SCFD1: variants seen among roughly 807,000 people sequenced by gnomAD.
The protein encoded by SCFD1 is sec1 family domain containing 1.
A neutral mutation model predicts 103.2 loss-of-function variants in SCFD1; 37 were observed. The observed-to-expected ratio is 0.36, with a 90% CI of 0.28 to 0.47. The LOEUF (loss-of-function observed/expected upper bound fraction) is 0.47, where lower values mean the gene tolerates loss of function less well. SCFD1 is among the 20% of genes least tolerant of loss of function. SCFD1 has a pLI of 1.00. For synonymous variants in SCFD1, 264 were observed against 245.0 expected, an observed-to-expected ratio of 1.08 and a Z score of -0.73; for missense variants, 639 against 761.2, an observed-to-expected ratio of 0.84 and a Z score of 1.89.
At chr14:30,630,780 G>A in intron 3 of SCFD1, 1 of 475,302 alleles carries the variant, frequency 2.1e-6, no homozygotes, top group Non-Finnish European at 3.7e-6. Flanking sequence ...CCTTAGATTT[G>A]GTTTACCCTC....
intron 1 of SCFD1, among the ~76,000 whole-genome samples, chr14:30,627,518 G>A (rs1031744102): frequency 6.6e-6 from 1 of 152,044 alleles, no homozygotes; most frequent in Non-Finnish European, 1.5e-5. Context: ...AGGCCAAGGC[G>A]GGTGGATCAC....
In SCFD1 at chr14:30,675,044, T is replaced by A; in HGVS notation, c.1221T>A (p.Thr407=). The A allele has an allele frequency of 6.3e-7, 1 of 1,587,234 alleles. No individual in the cohort carries two copies. The highest frequency in any genetic ancestry group is 8.6e-7 in the Non-Finnish European group (1 of 1,167,466). Residue 407 remains threonine (T), a synonymous_variant, in exon 14 of 25, where the codon ACT becomes ACA. Transcript: ENST00000458591. ...RLIDLHTNVA[T]AVLEHIKARK... ...TTGATCTCCATACAAATGTTGCCAC[T>A]GCTGTTTTAGAACATATAAAGGTAA...
In SCFD1 at chr14:30,729,841, AG is replaced by A. The variant is rs553219979; in HGVS notation, c.1837-4948del. Among the ~76,000 whole-genome samples, 21 of 151,868 alleles carry A rather than the reference AG, an allele frequency of 1.4e-4. No individual in the cohort carries two copies. The South Asian group carries it at 4.4e-3, about 32-fold the overall frequency. ...TTCAATAATATTTTGTAGTCTTCAG[AG>A]TATATTTTTATGCTGTTACGAAAGG... On this transcript the variant is annotated intron_variant, in intron 23 of 24. Transcript: ENST00000458591.
chr14:30,631,564 T>A (rs985449463), intron 3 of SCFD1, among the ~76,000 whole-genome samples: 9 of 151,758 alleles, frequency 5.9e-5, no homozygotes, highest in Admixed American at 3.3e-4. Context: ...TATATTTTTT[T>A]AAAAAAAAGG....
chr14:30,676,155 C>T (rs1312251222), intron 14 of SCFD1: 1 of 152,090 alleles, frequency 6.6e-6, no homozygotes, highest in Non-Finnish European at 1.5e-5. Context: ...AGATATATCA[C>T]CAGGTGAAAT....
chr14:30,659,054 A>G (rs552760895), intron 10 of SCFD1, among the ~76,000 whole-genome samples: 3 of 152,286 alleles, frequency 2.0e-5, no homozygotes, highest in Non-Finnish European at 4.4e-5. Flanking sequence ...TTTTAAAAAT[A>G]GCAGTGTTTC....
intron 14 of SCFD1, among the ~76,000 whole-genome samples, chr14:30,694,236 C>A (rs1156496019): frequency 1.3e-5 from 2 of 152,060 alleles, no homozygotes; most frequent in African/African-American, 2.4e-5. Flanking sequence ...CAATAAGTAA[C>A]AATTGTGTTT....
At position 30,697,070 on chromosome 14, in the gene SCFD1, G is replaced by T. The variant is rs574138972; in HGVS notation, c.1339+2201G>T. ...GAAATAAATATAGATTGTATGTTGG[G>T]GGGGGCGGTGTATACTCATGTATTC... On this transcript the variant is annotated intron_variant, in intron 15 of 24. Coordinates refer to ENST00000458591, the MANE Select transcript of SCFD1 (RefSeq NM_016106.4). 3.4e-4 allele frequency among the ~76,000 whole-genome samples: 52 copies of T among 152,204 alleles called. 1 individual carries two copies. The highest frequency in any genetic ancestry group is 1.1e-3 in the African/African-American group (46 of 41,536).
At chr14:30,646,649 A>C (rs1939939554) in intron 7 of SCFD1, among the ~76,000 whole-genome samples, 1 of 152,150 alleles carries the variant, frequency 6.6e-6, no homozygotes, top group African/African-American at 2.4e-5. Flanking sequence ...GAGATAGGGA[A>C]GAGTCCCTCC....
chr14:30,679,132 C>G (rs1001278291), intron 14 of SCFD1, among the ~76,000 whole-genome samples: 1 of 152,198 alleles, frequency 6.6e-6, no homozygotes, highest in African/African-American at 2.4e-5. Flanking sequence ...TTAACTGATG[C>G]CCTCTGTAAA....
chr14:30,731,630 C>T (rs1353501095), intron 23 of SCFD1, among the ~76,000 whole-genome samples: 2 of 152,122 alleles, frequency 1.3e-5, no homozygotes, highest in Non-Finnish European at 1.5e-5. Flanking sequence ...AATGGGAGTT[C>T]ACTCATGATT....
intron 7 of SCFD1, among the ~76,000 whole-genome samples, chr14:30,645,223 C>T (rs1011428990): frequency 3.3e-5 from 5 of 152,112 alleles, no homozygotes; most frequent in Non-Finnish European, 7.4e-5. Context: ...GTTTTGGTTA[C>T]TACCGTAAAA....
intron 10 of SCFD1, chr14:30,658,482 T>TA (rs1240285643): frequency 6.5e-6 from 1 of 154,566 alleles, no homozygotes; most frequent in Non-Finnish European, 1.4e-5. Context: ...AACCTCTGCC[T>TA]ACCAGGTTCG....
At chr14:30,713,691 T>C (rs1175870038) in intron 19 of SCFD1, among the ~76,000 whole-genome samples, 1 of 152,164 alleles carries the variant, frequency 6.6e-6, no homozygotes, top group African/African-American at 2.4e-5. Context: ...ATATAACCTT[T>C]TCTAAATTTT....
chr14:30,638,390 T>C lies in SCFD1; in HGVS notation c.435+143T>C, dbSNP rs568692858. ...GGCTCAATACTTTTATAAAGAGTTC[T>C]GATAATATAAATTATATTCAAGTTG... is the stretch of plus-strand genomic sequence containing the variant. On this transcript the variant is annotated intron_variant, in intron 5 of 24. Coordinates refer to ENST00000458591, the MANE Select transcript of SCFD1 (RefSeq NM_016106.4). 1.5e-5 allele frequency: 18 copies of C among 1,184,454 alleles called. No individual in the cohort carries two copies. In the African/African-American group the frequency reaches 2.4e-4, roughly 16 times the overall value. 73.4% of individuals were successfully genotyped at this position (1,184,454 alleles called of 1,614,324 possible). A position where few individuals can be genotyped will look rare whatever the true frequency, so the allele number is the denominator to read the frequency against.
At chr14:30,629,577 A>ATTTT (rs571309645) in intron 2 of SCFD1, among the ~76,000 whole-genome samples, 2 of 135,558 alleles carry the variant, frequency 1.5e-5, no homozygotes, top group African/African-American at 2.8e-5. Flanking sequence ...TAGGGACTTA[A>ATTTT]TTTTTTTTTT....
chr14:30,735,038 T>G (rs753471075), intron 24 of SCFD1, 180 bp downstream of exon 24: 1 of 532,622 alleles, frequency 1.9e-6, no homozygotes, highest in South Asian at 2.7e-5. Context: ...GTAATAATGT[T>G]TCCAGTAGGA....
chr14:30,715,704 A>G (rs1381250878), intron 19 of SCFD1: 4 of 432,428 alleles, frequency 9.3e-6, no homozygotes, highest in Non-Finnish European at 8.1e-6. Flanking sequence ...CTATACATTT[A>G]AAGAAGCATT....
chr14:30,634,606 A>G (rs1884524235), intron 4 of SCFD1, among the ~76,000 whole-genome samples: 1 of 152,216 alleles, frequency 6.6e-6, no homozygotes, highest in South Asian at 2.1e-4. Context: ...TTTAACAAAC[A>G]GAAAGCCTAG....
Sources: gnomAD v4.1 joint callset for allele counts (sites outside exome capture counted in the v4.1 genomes callset) on GRCh38, gnomAD v4.1.1 for gene constraint, MANE v1.5 for transcripts, NCBI Gene and HGNC (gene_info 2026-07-23, HGNC 2026-07-21) for gene names.